Variants in EPAS1 observed in about 807,000 individuals in gnomAD.
EPAS1 encodes the protein endothelial PAS domain-containing protein 1.
Under a neutral mutation model 87.9 loss-of-function variants are expected in EPAS1, and 23 were observed. That is an observed-to-expected ratio of 0.26 (90% confidence interval 0.19 to 0.37). EPAS1 has a LOEUF of 0.37. Ranked by LOEUF, EPAS1 falls within the 10% of genes least tolerant of loss-of-function variation. The pLI is 1.00. For missense variants in EPAS1, 1,138 were observed against 1,120.7 expected (o/e 1.02, Z -0.22); for synonymous variants, 508 against 444.3 (o/e 1.14, Z -1.80).
chr2:46,356,060 T>C, intron 2 of EPAS1, 91 bp from the exon 3 acceptor site: 5 of 1,423,654 alleles, frequency 3.5e-6, no homozygotes, highest in Non-Finnish European at 5.0e-6. Flanking sequence ...CCAATGCCTT[T>C]GCACCATCCC....
chr2:46,351,567 G>C (rs1684145704), intron 2 of EPAS1, among the ~76,000 whole-genome samples: 1 of 152,176 alleles, frequency 6.6e-6, no homozygotes, highest in Non-Finnish European at 1.5e-5. Flanking sequence ...ATCCGGGAGG[G>C]CGGGGTTTGA....
chr2:46,358,247 A>G (rs1165126661), intron 4 of EPAS1, among the ~76,000 whole-genome samples: 1 of 152,194 alleles, frequency 6.6e-6, no homozygotes, highest in Admixed American at 6.5e-5. Context: ...CCACTGCCAC[A>G]GCTCCCTCAC....
intron 2 of EPAS1, among the ~76,000 whole-genome samples, chr2:46,353,252 T>C (rs954980958): frequency 3.3e-5 from 5 of 152,160 alleles, no homozygotes; most frequent in Non-Finnish European, 7.4e-5. Context: ...CGTAGGATCT[T>C]TGAGTTGAGG....
intron 2 of EPAS1, among the ~76,000 whole-genome samples, chr2:46,354,706 CTGTACGCCAT>C (rs2103626007): frequency 6.6e-6 from 1 of 152,216 alleles, no homozygotes; most frequent in South Asian, 2.1e-4. Flanking sequence ...CCAAACCATT[CTGTACGCCAT>C]TGCCAGACTA....
At chr2:46,309,336 A>G (rs1377813771) in intron 1 of EPAS1, among the ~76,000 whole-genome samples, 1 of 152,224 alleles carries the variant, frequency 6.6e-6, no homozygotes, top group Admixed American at 6.5e-5. Flanking sequence ...TGCACTCAGG[A>G]TGTCCTAAAA....
At chr2:46,354,608 C>T (rs1684234417) in intron 2 of EPAS1, among the ~76,000 whole-genome samples, 2 of 151,166 alleles carry the variant, frequency 1.3e-5, no homozygotes, top group African/African-American at 4.9e-5. Flanking sequence ...GGAAGTTTTC[C>T]TAGGCTGCAC....
rs149252776 is a variant in EPAS1 at position 46,348,015 on chromosome 2, C to A, written c.217+952C>A. Among the ~76,000 whole-genome samples the A allele has an allele frequency of 2.7e-3, 412 of 152,170 alleles. 2 individuals carry two copies. The highest frequency in any genetic ancestry group is 9.7e-3 in the African/African-American group (402 of 41,508). On this transcript the variant is annotated intron_variant, in intron 2 of 15. Coordinates refer to ENST00000263734, the MANE Select transcript of EPAS1 (RefSeq NM_001430.5). ...TCAGTTTTCCGGAGTAAGCCTGGTG[C>A]CTTGGAGACGGTGGACTCCGCCATC... is the stretch of plus-strand genomic sequence containing the variant.
chr2:46,373,885 A>C (rs1684678001), intron 7 of EPAS1, among the ~76,000 whole-genome samples: 1 of 152,238 alleles, frequency 6.6e-6, no homozygotes, highest in Admixed American at 6.5e-5. Flanking sequence ...GTGGTCTTTC[A>C]GCAAATGACT....
intron 6 of EPAS1, among the ~76,000 whole-genome samples, chr2:46,363,737 G>A (rs1038288110): frequency 1.3e-5 from 2 of 152,200 alleles, no homozygotes; most frequent in African/African-American, 4.8e-5. Context: ...AATGTAGAGG[G>A]TGATATTGCT....
chr2:46,353,665 C>T (rs1684214288), intron 2 of EPAS1, among the ~76,000 whole-genome samples: 2 of 152,342 alleles, frequency 1.3e-5, no homozygotes, highest in South Asian at 4.1e-4. Flanking sequence ...ACAGTGGCAT[C>T]GCCCACACCT....
At chr2:46,378,118 A>T (rs1684799612) in intron 10 of EPAS1, 31 bp downstream of exon 10, 2 of 1,568,062 alleles carry the variant, frequency 1.3e-6, no homozygotes, top group East Asian at 4.7e-5. Context: ...GAGGACACAG[A>T]GAGGGCTCCG....
intron 1 of EPAS1, among the ~76,000 whole-genome samples, chr2:46,324,972 A>G (rs546943295): frequency 6.6e-6 from 1 of 152,314 alleles, no homozygotes; most frequent in African/African-American, 2.4e-5. Flanking sequence ...CCATTGATAG[A>G]GATGTTGTTT....
At chr2:46,315,521 G>A (rs919505312) in intron 1 of EPAS1, among the ~76,000 whole-genome samples, 4 of 152,224 alleles carry the variant, frequency 2.6e-5, no homozygotes, top group Non-Finnish European at 4.4e-5. Context: ...CCCTTTTGCT[G>A]CCCTGGGAAG....
At chr2:46,381,391 G>A (rs990159605) in intron 12 of EPAS1, 4 of 731,676 alleles carry the variant, frequency 5.5e-6, no homozygotes, top group Non-Finnish European at 9.2e-6. Flanking sequence ...GGAGGCTTGA[G>A]CCCTTCAGCA....
At chr2:46,369,478 A>G (rs1464316062) in intron 6 of EPAS1, among the ~76,000 whole-genome samples, 2 of 151,888 alleles carry the variant, frequency 1.3e-5, no homozygotes, top group South Asian at 2.1e-4. Context: ...CTGGATGTCT[A>G]CTCCCTCATC....
At chr2:46,328,841 C>A (rs904648179) in intron 1 of EPAS1, among the ~76,000 whole-genome samples, 1 of 152,226 alleles carries the variant, frequency 6.6e-6, no homozygotes, top group African/African-American at 2.4e-5. Context: ...ACAAGTCTGC[C>A]TTCCAGGCCA....
At chr2:46,358,129 G>A (rs1201545937) in intron 4 of EPAS1, among the ~76,000 whole-genome samples, 2 of 152,164 alleles carry the variant, frequency 1.3e-5, no homozygotes, top group South Asian at 2.1e-4. Flanking sequence ...TACCACACAC[G>A]CTGCAAAAAC....
At chr2:46,305,240 C>T (rs1683086848) in intron 1 of EPAS1, among the ~76,000 whole-genome samples, 1 of 152,298 alleles carries the variant, frequency 6.6e-6, no homozygotes, top group African/African-American at 2.4e-5. Context: ...TGGCGAGACC[C>T]TTTGTGAGAT....
In EPAS1 at chr2:46,384,585, G is replaced by T. The variant is rs193055857; in HGVS notation, c.2538G>T (p.Val846=). 1 of 1,614,168 alleles carries T rather than the reference G, an allele frequency of 6.2e-7. No individual in the cohort carries two copies. Among genetic ancestry groups the T allele is most frequent in the East Asian group, 2.2e-5 (1 of 44,880 alleles). The part of the protein sequence containing the change: ...LPELTRYDCE[V]NVPVLGSSTL... ...AACTGACCAGATATGACTGTGAGGT[G>T]AACGTGCCCGTGCTGGGAAGCTCCA... Residue 846 remains valine (V), a synonymous_variant, in exon 16 of 16, where the codon GTG becomes GTT. Coordinates refer to ENST00000263734, the MANE Select transcript of EPAS1 (RefSeq NM_001430.5).
Sources: gnomAD v4.1 joint callset for allele counts (sites outside exome capture counted in the v4.1 genomes callset) on GRCh38, gnomAD v4.1.1 for gene constraint, MANE v1.5 for transcripts, NCBI Gene and HGNC (gene_info 2026-07-23, HGNC 2026-07-21) for gene names.